TMEFF2: variants seen among roughly 807,000 people sequenced by gnomAD.
TMEFF2 encodes tomoregulin-2.
Under a neutral mutation model 53.8 loss-of-function variants are expected in TMEFF2, and 28 were observed. The ratio of observed to expected loss-of-function variants is 0.52; its 90% CI spans 0.39 to 0.71. The LOEUF is 0.71. Ranked by LOEUF, TMEFF2 falls within the 30% of genes least tolerant of loss-of-function variation. The pLI is 0.00. For missense variants in TMEFF2, 353 were observed against 455.2 expected (o/e 0.78, Z 2.04); for synonymous variants, 162 against 166.3 (o/e 0.97, Z 0.20).
intron 4 of TMEFF2, among the ~76,000 whole-genome samples, chr2:192,110,450 T>C (rs1324664604): frequency 6.6e-6 from 1 of 152,220 alleles, no homozygotes; most frequent in African/African-American, 2.4e-5. Flanking sequence ...TTGTTGTTTT[T>C]AGCTGATATC....
intron 5 of TMEFF2, among the ~76,000 whole-genome samples, chr2:192,049,091 T>C (rs998117532): frequency 6.6e-6 from 1 of 152,236 alleles, no homozygotes; most frequent in Non-Finnish European, 1.5e-5. Flanking sequence ...TTAAAGTCTT[T>C]GTTTTCCCAT....
intron 7 of TMEFF2, among the ~76,000 whole-genome samples, chr2:191,970,447 G>T (rs73033568): frequency 0.017 from 2,636 of 151,818 alleles, 85 homozygotes; most frequent in African/African-American, 0.059. Context: ...AAGGGCAAGG[G>T]AAGACGCACA....
intron 4 of TMEFF2, among the ~76,000 whole-genome samples, chr2:192,153,341 T>G (rs1444154149): frequency 6.6e-6 from 1 of 151,880 alleles, no homozygotes; most frequent in Non-Finnish European, 1.5e-5. Context: ...TTTCCACAGA[T>G]GACTTTGCAT....
intron 4 of TMEFF2, among the ~76,000 whole-genome samples, chr2:192,075,565 A>T (rs868653664): frequency 6.6e-6 from 1 of 151,452 alleles, no homozygotes; most frequent in African/African-American, 2.4e-5. Flanking sequence ...GAGGAATGAG[A>T]TTAAAGCAAA....
chr2:192,001,323 A>G (rs935197766), intron 5 of TMEFF2, among the ~76,000 whole-genome samples: 4 of 152,178 alleles, frequency 2.6e-5, no homozygotes, highest in Admixed American at 2.6e-4. Flanking sequence ...ATTAAGTCCA[A>G]AGAAATTTAG....
chr2:191,975,002 G>A (rs991042833), intron 7 of TMEFF2, among the ~76,000 whole-genome samples: 81 of 151,680 alleles, frequency 5.3e-4, no homozygotes, highest in Admixed American at 3.3e-4. Context: ...GGTAAAAAAT[G>A]GGAAATTACC....
At chr2:191,956,666 TCA>T (rs1692109331) in intron 7 of TMEFF2, among the ~76,000 whole-genome samples, 1 of 152,184 alleles carries the variant, frequency 6.6e-6, no homozygotes, top group Non-Finnish European at 1.5e-5. Context: ...TTAATTTTCC[TCA>T]CATAGGGACC....
At chr2:192,130,406 G>T (rs1467109355) in intron 4 of TMEFF2, among the ~76,000 whole-genome samples, 2 of 152,102 alleles carry the variant, frequency 1.3e-5, no homozygotes, top group Non-Finnish European at 2.9e-5. Flanking sequence ...CTGAGCCCAA[G>T]TCAAGCCATC....
chr2:192,171,328 G>A (rs112875371), intron 4 of TMEFF2, among the ~76,000 whole-genome samples: 1 of 151,986 alleles, frequency 6.6e-6, no homozygotes, highest in African/African-American at 2.4e-5. Context: ...ATGACAACAA[G>A]AGAAAAGAAA....
At chr2:192,186,768 C>T (rs1176981043) in intron 2 of TMEFF2, among the ~76,000 whole-genome samples, 2 of 152,170 alleles carry the variant, frequency 1.3e-5, no homozygotes, top group East Asian at 1.9e-4. Context: ...TTCTTCTCTC[C>T]GATCCTTAAA....
intron 4 of TMEFF2, among the ~76,000 whole-genome samples, chr2:192,130,641 C>T (rs764246113): frequency 5.3e-5 from 8 of 151,988 alleles, no homozygotes; most frequent in African/African-American, 9.7e-5. Context: ...CACCAGAGAA[C>T]AACCCTCTTT....
intron 4 of TMEFF2, among the ~76,000 whole-genome samples, chr2:192,158,260 C>A (rs1442199732): frequency 1.3e-5 from 2 of 152,018 alleles, no homozygotes; most frequent in Non-Finnish European, 2.9e-5. Flanking sequence ...ATATGATTAT[C>A]ATTTCATAGA....
At position 191,949,263 on chromosome 2, in the gene TMEFF2, T is replaced by C; in HGVS notation, c.*1048A>G. 1 of 985,218 alleles carries C rather than the reference T, an allele frequency of 1.0e-6. No homozygotes were observed. The highest frequency in any genetic ancestry group is 1.2e-6 in the Non-Finnish European group (1 of 829,750). 61.0% of individuals were successfully genotyped at this position (985,218 alleles called of 1,614,324 possible). On this transcript the variant is annotated 3_prime_UTR_variant, in exon 10 of 10. Coordinates refer to ENST00000272771, the MANE Select transcript of TMEFF2 (RefSeq NM_016192.4). ...TGAGGTCTTTCAGATGCTATAGGAT[T>C]AATTTTCTTTCTTACCTCACCACAT...
At chr2:191,951,599 C>A (rs1275105957) in intron 9 of TMEFF2, among the ~76,000 whole-genome samples, 2 of 151,930 alleles carry the variant, frequency 1.3e-5, no homozygotes, top group Non-Finnish European at 2.9e-5. Flanking sequence ...TCTTGACAGA[C>A]AAATGTGGCC....
chr2:192,011,227 T>A (rs1686617740), intron 5 of TMEFF2, among the ~76,000 whole-genome samples: 1 of 152,162 alleles, frequency 6.6e-6, no homozygotes, highest in Admixed American at 6.5e-5. Context: ...CACTTACAAA[T>A]CACTGAATAA....
chr2:192,164,456 G>A (rs10174140), intron 4 of TMEFF2, among the ~76,000 whole-genome samples: 40,977 of 152,034 alleles, frequency 0.27, 5,571 homozygotes, highest in Admixed American at 0.32. Context: ...CAGGCCAGGC[G>A]CGGTGGCTCA....
chr2:192,174,594 C>A (rs1690992264), intron 4 of TMEFF2, among the ~76,000 whole-genome samples: 1 of 151,746 alleles, frequency 6.6e-6, no homozygotes, highest in Non-Finnish European at 1.5e-5. Flanking sequence ...GTTCAGATGG[C>A]TATACGCTCA....
At chr2:192,146,634 C>A (rs1470959620) in intron 4 of TMEFF2, among the ~76,000 whole-genome samples, 1 of 151,952 alleles carries the variant, frequency 6.6e-6, no homozygotes, top group African/African-American at 2.4e-5. Context: ...CCCATAGAAA[C>A]AGCCTATAGT....
chr2:192,151,548 T>G (rs1222975410), intron 4 of TMEFF2, among the ~76,000 whole-genome samples: 1 of 151,874 alleles, frequency 6.6e-6, no homozygotes, highest in Non-Finnish European at 1.5e-5. Flanking sequence ...CTTTTGTTTG[T>G]TTATTTGTTT....
Sources: gnomAD v4.1 joint callset for allele counts (sites outside exome capture counted in the v4.1 genomes callset) on GRCh38, gnomAD v4.1.1 for gene constraint, MANE v1.5 for transcripts, NCBI Gene and HGNC (gene_info 2026-07-23, HGNC 2026-07-21) for gene names.